The following ODAD2 variants were observed in gnomAD, a reference collection of about 807,000 sequenced individuals.
ODAD2 encodes the protein outer dynein arm-docking complex subunit 2.
In ODAD2, 89 loss-of-function variants were observed where a neutral mutation model predicts 106.8. That is an observed-to-expected ratio of 0.83 (90% CI 0.70 to 0.99). ODAD2 has a LOEUF of 0.99. Ranked by LOEUF, ODAD2 falls within the 50% of genes least tolerant of loss-of-function variation. The pLI is 0.00. For missense variants in ODAD2, 1,168 were observed against 1,238.5 expected (o/e 0.94, Z 0.85); for synonymous variants, 404 against 436.2 (o/e 0.93, Z 0.92).
chr10:27,941,323 GAAA>G (rs10708986), intron 12 of ODAD2, among the ~76,000 whole-genome samples: 6 of 139,534 alleles, frequency 4.3e-5, no homozygotes, highest in Non-Finnish European at 3.1e-5. Context: ...GTTTCCACTG[GAAA>G]AAAAAAAAAA....
chr10:27,868,715 A>G (rs1163295994), intron 17 of ODAD2, among the ~76,000 whole-genome samples: 1 of 152,044 alleles, frequency 6.6e-6, no homozygotes, highest in Non-Finnish European at 1.5e-5. Context: ...AGGATAAATA[A>G]CTAAGGCATG....
In ODAD2 at chr10:27,962,130, G is replaced by C. The variant is rs180699636; in HGVS notation, c.1239-415C>G. Among the ~76,000 whole-genome samples the C allele has an allele frequency of 1.6e-4, 24 of 152,258 alleles. No homozygotes were observed. In the East Asian group the frequency reaches 4.6e-3, roughly 29 times the overall value. On this transcript the variant is annotated intron_variant, in intron 9 of 19. Coordinates refer to ENST00000305242, the MANE Select transcript of ODAD2 (RefSeq NM_018076.5). ...GTGAATAAACCTGTCTCTATTGCAGGTGCAATTGCTCTGGGTGCAATAATC... is the reference window on the plus strand; with the variant it reads ...GTGAATAAACCTGTCTCTATTGCAGCTGCAATTGCTCTGGGTGCAATAATC...
chr10:27,997,854 G>A (rs1288032607), intron 1 of ODAD2, among the ~76,000 whole-genome samples: 2 of 152,244 alleles, frequency 1.3e-5, no homozygotes, highest in South Asian at 4.1e-4. Context: ...TAGTTAAAAT[G>A]AATCCATGTA....
intron 18 of ODAD2, among the ~76,000 whole-genome samples, chr10:27,861,315 T>C (rs1352234527): frequency 6.6e-6 from 1 of 152,122 alleles, no homozygotes; most frequent in Non-Finnish European, 1.5e-5. Context: ...TTTTGGTGGG[T>C]CACCAACAGA....
intron 19 of ODAD2, among the ~76,000 whole-genome samples, chr10:27,823,823 G>A (rs1001802040): frequency 6.6e-6 from 1 of 152,106 alleles, no homozygotes; most frequent in African/African-American, 2.4e-5. Flanking sequence ...CAAGGCATTA[G>A]AACTAACACA....
intron 7 of ODAD2, 38 bp downstream of exon 7, chr10:27,981,428 T>C (rs1316712300): frequency 1.4e-6 from 2 of 1,447,356 alleles, no homozygotes; most frequent in African/African-American, 1.5e-5. Flanking sequence ...TTTAGTAACA[T>C]AATGCTATGA....
chr10:27,986,981 T>C (rs1322194292), intron 3 of ODAD2, among the ~76,000 whole-genome samples: 2 of 152,238 alleles, frequency 1.3e-5, no homozygotes, highest in African/African-American at 4.8e-5. Context: ...TAGATTGTCA[T>C]TCAATCTATT....
intron 8 of ODAD2, among the ~76,000 whole-genome samples, chr10:27,970,389 T>C (rs1356626424): frequency 6.6e-6 from 1 of 152,170 alleles, no homozygotes; most frequent in Non-Finnish European, 1.5e-5. Flanking sequence ...CATATAATTT[T>C]CATCATTCCA....
rs575440738 is a variant in ODAD2 at position 27,998,816 on chromosome 10, C to G, written c.-39+178G>C. Among the ~76,000 whole-genome samples the G allele has an allele frequency of 4.0e-3, 613 of 152,168 alleles. 1 individual carries two copies. Among genetic ancestry groups the G allele is most frequent in the Admixed American group, 6.6e-3 (101 of 15,296 alleles). On this transcript the variant is annotated intron_variant, in intron 1 of 19. Transcript: ENST00000305242. ...AGCCGCACTCACCTGCAGCACCCTGCCCCCCGCAGTCGGCGCCCGCCTGTT... is the reference window on the plus strand; with the variant it reads ...AGCCGCACTCACCTGCAGCACCCTGGCCCCCGCAGTCGGCGCCCGCCTGTT...
intron 17 of ODAD2, among the ~76,000 whole-genome samples, chr10:27,864,743 G>T (rs1305068906): frequency 6.6e-6 from 1 of 151,184 alleles, no homozygotes; most frequent in African/African-American, 2.4e-5. Flanking sequence ...AGGTTGTATG[G>T]GGGTGAGTGT....
intron 19 of ODAD2, among the ~76,000 whole-genome samples, chr10:27,834,121 A>C (rs902705532): frequency 3.3e-5 from 5 of 152,238 alleles, no homozygotes; most frequent in Non-Finnish European, 5.9e-5. Flanking sequence ...AAAGTAGCAG[A>C]TGATTGCCAA....
intron 7 of ODAD2, among the ~76,000 whole-genome samples, chr10:27,979,014 A>C (rs1849367311): frequency 2.0e-5 from 3 of 152,012 alleles, no homozygotes; most frequent in Admixed American, 6.6e-5. Context: ...GTTCGAGACC[A>C]GCCTAGTCAA....
chr10:27,959,801 T>C (rs1847996727), intron 10 of ODAD2, among the ~76,000 whole-genome samples: 1 of 152,172 alleles, frequency 6.6e-6, no homozygotes, highest in African/African-American at 2.4e-5. Flanking sequence ...GCTATCATAA[T>C]AAACAGTGAA....
At chr10:27,831,463 C>A (rs1837473494) in intron 19 of ODAD2, among the ~76,000 whole-genome samples, 1 of 152,134 alleles carries the variant, frequency 6.6e-6, no homozygotes, top group Admixed American at 6.5e-5. Flanking sequence ...CTCAAAGTGC[C>A]TTATAAGATA....
At chr10:27,924,984 A>C in intron 16 of ODAD2, among the ~76,000 whole-genome samples, 1 of 130,194 alleles carries the variant, frequency 7.7e-6, no homozygotes, top group Non-Finnish European at 1.7e-5. Flanking sequence ...AGAGTATTTA[A>C]AATGAAAAAA....
At chr10:27,973,212 AATACATACATAC>A (rs56390356) in intron 7 of ODAD2, among the ~76,000 whole-genome samples, 51 of 148,350 alleles carry the variant, frequency 3.4e-4, no homozygotes, top group Middle Eastern at 6.8e-3. Context: ...TGGTCAAAAT[AATACATACATAC>A]ATACATACAT....
chr10:27,838,711 C>G (rs1392684171), intron 19 of ODAD2, among the ~76,000 whole-genome samples: 4 of 152,126 alleles, frequency 2.6e-5, no homozygotes, highest in African/African-American at 4.8e-5. Context: ...GCAAAGGTAC[C>G]CAGTAGCAAT....
intron 19 of ODAD2, among the ~76,000 whole-genome samples, chr10:27,857,217 T>C (rs922651476): frequency 4.6e-5 from 7 of 152,194 alleles, no homozygotes; most frequent in Admixed American, 2.0e-4. Context: ...ACCTTTATGA[T>C]GATCCACTTC....
intron 19 of ODAD2, among the ~76,000 whole-genome samples, chr10:27,833,795 T>C (rs1837657476): frequency 6.6e-6 from 1 of 152,164 alleles, no homozygotes; most frequent in African/African-American, 2.4e-5. Context: ...ATTATGTTGT[T>C]ACAATTGGGA....
Sources: gnomAD v4.1 joint callset for allele counts (sites outside exome capture counted in the v4.1 genomes callset) on GRCh38, gnomAD v4.1.1 for gene constraint, MANE v1.5 for transcripts, NCBI Gene and HGNC (gene_info 2026-07-23, HGNC 2026-07-21) for gene names.